The following CRYBG2 variants were observed in gnomAD, a reference collection of about 807,000 sequenced individuals.
CRYBG2 encodes the protein crystallin beta-gamma domain containing 2.
A neutral mutation model predicts 153.4 loss-of-function variants in CRYBG2; 106 were observed. The observed-to-expected ratio is 0.69, with a 90% CI of 0.59 to 0.81. The LOEUF is 0.81. Among genes scored for constraint, CRYBG2 ranks in the 30% least tolerant of loss-of-function variants. The pLI is 0.00. For synonymous variants in CRYBG2, 851 were observed against 877.8 expected (o/e 0.97, Z 0.54); for missense variants, 1,996 against 2,112.0 (o/e 0.95, Z 1.08).
At chr1:26,331,421 G>T in intron 15 of CRYBG2, 68 bp downstream of exon 15, 1 of 1,578,516 alleles carries the variant, frequency 6.3e-7, no homozygotes, top group Non-Finnish European at 8.6e-7. Context: ...CACAGGTTCT[G>T]TGTCCAGAAG....
chr1:26,336,167 A>C lies in CRYBG2; in HGVS notation c.4112T>G (p.Phe1371Cys). Reference sequence around the variant, plus strand: ...AGCGGCCTGGTCATCTTCGAAAGAGAAGTGGTCGCCCAGAAAGTCGGGGCG... The same window carrying C: ...AGCGGCCTGGTCATCTTCGAAAGAGCAGTGGTCGCCCAGAAAGTCGGGGCG... ...FSRPDFLGDH[F>C]SFEDDQAALP... The change falls in exon 14 of 20, where the codon TTC (phenylalanine) becomes TGC (cysteine). Residue 1371 changes from phenylalanine (F) to cysteine (C), a missense_variant. By Grantham distance (205) the Phe-to-Cys change is radical. Coordinates refer to ENST00000308182, the MANE Select transcript of CRYBG2 (RefSeq NM_001039775.4). This position sits in a 1 kb window ranked among gnomAD's most constrained non-coding sequence, Gnocchi z 4.9. 6.5e-7 allele frequency: 1 copy of C among 1,548,446 alleles called. No homozygotes were observed. The highest frequency in any genetic ancestry group is 8.7e-7 in the Non-Finnish European group (1 of 1,143,688).
rs1171632154 is a variant in CRYBG2, at chr1:26,344,915, C to A, written c.1743G>T (p.Glu581Asp). 6.5e-7 allele frequency: 1 copy of A among 1,537,488 alleles called. No homozygotes were observed. The highest frequency in any genetic ancestry group is 1.4e-5 in the African/African-American group (1 of 72,566). ...APAALSTTPKEVVKGPGAPAA... is the reference protein window; with the variant it reads ...APAALSTTPKDVVKGPGAPAA... ...CAGGAGCACCAGGGCCCTTCACAACCTCTTTTGGGGTGGTGGACAAGGCAG... is the reference window on the plus strand; with the variant it reads ...CAGGAGCACCAGGGCCCTTCACAACATCTTTTGGGGTGGTGGACAAGGCAG... Residue 581 changes from glutamate (E) to aspartate (D), a missense_variant, in exon 2 of 20, where the codon GAG becomes GAT. Coordinates refer to ENST00000308182, the MANE Select transcript of CRYBG2 (RefSeq NM_001039775.4).
In CRYBG2 at chr1:26,346,005, G is replaced by A. The variant is rs573042812; in HGVS notation, c.653C>T (p.Pro218Leu). 1.9e-5 allele frequency: 30 copies of A among 1,593,850 alleles called. No homozygotes were observed. Among genetic ancestry groups the A allele is most frequent in the East Asian group, 4.5e-5 (2 of 44,746 alleles). ...PRGRQVSRMV[P>L]PVVVGSPPGS... ...TGGTGGGGAGCCCACCACCACTGGC[G>A]GCACCATGCGGGAGACCTGACGGCC... The change falls in exon 2 of 20, where the codon CCG becomes CTG. Residue 218 changes from proline to leucine, a missense_variant. Pro to Leu is a moderately conservative substitution (Grantham distance 98). Transcript: ENST00000308182. This position sits in a 1 kb window ranked among gnomAD's most constrained non-coding sequence, Gnocchi z 4.9.
At chr1:26,328,968 T>C (rs1409089311) in intron 15 of CRYBG2, 95 bp from the exon 16 acceptor site, 9 of 1,485,970 alleles carry the variant, frequency 6.1e-6, no homozygotes, top group Non-Finnish European at 5.5e-6. Flanking sequence ...CAGATCTGTA[T>C]GTCAGGCCTT....
Position 26,345,296 on chromosome 1 carries a change from A to G in CRYBG2, c.1362T>C (p.Pro454=), listed in dbSNP as rs1270217838. The G allele has an allele frequency of 6.2e-7, 1 of 1,613,646 alleles. No homozygotes were observed. ...CCTCCCTCTGGGTAAAGGGGAGGAC[A>G]GGGACATTTTCAGAGTTCTGAACAA... The part of the protein sequence containing the change: ...NKFVQNSENV[P]VLPFTQREVV... Residue 454 remains proline, a synonymous_variant, in exon 2 of 20, where the codon CCT becomes CCC. Transcript: ENST00000308182.
Position 26,324,133 on chromosome 1 carries a change from C to T in CRYBG2, c.4737+19G>A. On this transcript the variant is annotated intron_variant, in intron 18 of 19. Coordinates refer to ENST00000308182, the MANE Select transcript of CRYBG2 (RefSeq NM_001039775.4). ...TGCCTAGGGCCAGGGTGTCCCTGTG[C>T]CAGCCCCTGTATCAGTACCTGGTTC... The T allele has an allele frequency of 6.2e-7, 1 of 1,608,106 alleles. No homozygotes were observed. The highest frequency in any genetic ancestry group is 8.5e-7 in the Non-Finnish European group (1 of 1,176,358).
Position 26,343,358 on chromosome 1 carries a change from C to T in CRYBG2, c.2914-65G>A, listed in dbSNP as rs2074157456. 6.6e-6 allele frequency: 10 copies of T among 1,520,232 alleles called. No individual in the cohort carries two copies. The highest frequency in any genetic ancestry group is 1.2e-5 in the South Asian group (1 of 83,358). 94.2% of individuals were successfully genotyped at this position (1,520,232 alleles called of 1,614,324 possible). A position where few individuals can be genotyped will look rare whatever the true frequency, so the allele number is the denominator to read the frequency against. The stretch of plus-strand genomic sequence containing the variant: ...ACCTCTTTTCTGCCTCCCCACAACC[C>T]GCCATTCCAAGGATCCCACATCCTC... On this transcript the variant is annotated intron_variant, in intron 2 of 19. Coordinates refer to ENST00000308182, the MANE Select transcript of CRYBG2 (RefSeq NM_001039775.4). This position sits in a 1 kb window ranked among gnomAD's most constrained non-coding sequence, Gnocchi z 4.1.
chr1:26,327,393 A>G (rs546746926), intron 17 of CRYBG2, among the ~76,000 whole-genome samples: 13 of 152,022 alleles, frequency 8.6e-5, no homozygotes, highest in South Asian at 8.3e-4. Context: ...GCTTGAACCC[A>G]GGGGGCAGAG....
In CRYBG2 at chr1:26,344,614, C is replaced by G; in HGVS notation, c.2044G>C (p.Val682Leu). Residue 682 changes from valine (V) to leucine (L), a missense_variant, in exon 2 of 20, where the codon GTC (valine) becomes CTC (leucine). By Grantham distance (32) the Val-to-Leu change is conservative. Coordinates refer to ENST00000308182, the MANE Select transcript of CRYBG2 (RefSeq NM_001039775.4). ...ATSLPKQDKG[V>L]QDSEGSPISS... ...ATGGGGCTCCCTTCAGAGTCCTGGACCCCCTTATCCTGTTTGGGGAGTGAG... is the reference window on the plus strand; with the variant it reads ...ATGGGGCTCCCTTCAGAGTCCTGGAGCCCCTTATCCTGTTTGGGGAGTGAG... 1 of 1,536,264 alleles carries G rather than the reference C, an allele frequency of 6.5e-7. No individual in the cohort carries two copies. Among genetic ancestry groups the G allele is most frequent in the Non-Finnish European group, 8.7e-7 (1 of 1,146,870 alleles).
At chr1:26,330,523 G>A (rs1220210092) in intron 15 of CRYBG2, among the ~76,000 whole-genome samples, 1 of 144,976 alleles carries the variant, frequency 6.9e-6, no homozygotes, top group Non-Finnish European at 1.5e-5. Context: ...AAAGGCTTTA[G>A]TATATGTGGC....
At position 26,322,162 on chromosome 1, in the gene CRYBG2, AC is replaced by A. The variant is rs1245713404; in HGVS notation, c.4897+1del. ...CCCTCTTCCCCATACATCCCACCTTACCCTTCACGTCCAGGATCTGGCCTTC... is the reference window on the plus strand; with the variant it reads ...CCCTCTTCCCCATACATCCCACCTTACCTTCACGTCCAGGATCTGGCCTTC... On this transcript the variant is annotated splice_donor_variant, in intron 19 of 19. Transcript: ENST00000308182. LOFTEE classifies it high-confidence loss of function. The A allele has an allele frequency of 6.2e-7, 1 of 1,612,998 alleles. No individual in the cohort carries two copies. The highest frequency in any genetic ancestry group is 8.5e-7 in the Non-Finnish European group (1 of 1,179,160).
chr1:26,353,027 C>T (rs959751089), intron 1 of CRYBG2, among the ~76,000 whole-genome samples: 2 of 152,130 alleles, frequency 1.3e-5, no homozygotes, highest in African/African-American at 4.8e-5. Flanking sequence ...CAACCTCACT[C>T]AACCCTCCAC....
Position 26,342,824 on chromosome 1 carries a change from T to C in CRYBG2, c.3134A>G (p.Asp1045Gly), listed in dbSNP as rs1395580994. Residue 1045 changes from aspartate to glycine, a missense_variant, in exon 5 of 20, where the codon GAC becomes GGC. Coordinates refer to ENST00000308182, the MANE Select transcript of CRYBG2 (RefSeq NM_001039775.4). ...RGQKLVLPEG[D>G]MELRTPGTKW... ...TGTCCCTGGGGTTCTGAGTTCCATG[T>C]CTCCTTCAGGCAGGACCAGCTTCTG... The C allele has an allele frequency of 6.2e-7, 1 of 1,614,008 alleles. No homozygotes were observed. The highest frequency in any genetic ancestry group is 8.5e-7 in the Non-Finnish European group (1 of 1,180,024).
At chr1:26,347,050 C>T (rs538936146) in intron 1 of CRYBG2, among the ~76,000 whole-genome samples, 2 of 152,254 alleles carry the variant, frequency 1.3e-5, no homozygotes, top group South Asian at 2.1e-4. Flanking sequence ...GGCTGGGACT[C>T]TGCCCACAGA....
chr1:26,344,287 A>T lies in CRYBG2; in HGVS notation c.2371T>A (p.Ser791Thr), dbSNP rs1451815224. 10 of 1,517,586 alleles carry T rather than the reference A, an allele frequency of 6.6e-6. No individual in the cohort carries two copies. The highest frequency in any genetic ancestry group is 8.8e-6 in the Non-Finnish European group (10 of 1,135,172). 94.0% of individuals were successfully genotyped at this position (1,517,586 alleles called of 1,614,324 possible). Reference sequence around the variant, plus strand: ...GTGGCGTACATGGACAGGTAGGAGGAGCGAGGGGCTCGTGGCAGCCGGTGA... The same window carrying T: ...GTGGCGTACATGGACAGGTAGGAGGTGCGAGGGGCTCGTGGCAGCCGGTGA... ...RTHRLPRAPRSSYLSMYATLP... is the reference protein window; with the variant it reads ...RTHRLPRAPRTSYLSMYATLP... The change falls in exon 2 of 20, where the codon TCC becomes ACC. Residue 791 changes from serine to threonine, a missense_variant. By Grantham distance (58) the Ser-to-Thr change is moderately conservative. Coordinates refer to ENST00000308182, the MANE Select transcript of CRYBG2 (RefSeq NM_001039775.4).
intron 17 of CRYBG2, chr1:26,326,977 C>A: frequency 2.0e-6 from 1 of 503,258 alleles, no homozygotes; most frequent in Non-Finnish European, 3.9e-6. Flanking sequence ...TTTCCTTATG[C>A]AGCAGCTAAA....
Position 26,336,103 on chromosome 1 carries a change from G to T in CRYBG2, c.4176C>A (p.His1392Gln). The change falls in exon 14 of 20, where the codon CAC (histidine) becomes CAA (glutamine). Residue 1392 changes from histidine (H) to glutamine (Q), a missense_variant. Physicochemically the swap from His to Gln is conservative, Grantham distance 24. Coordinates refer to ENST00000308182, the MANE Select transcript of CRYBG2 (RefSeq NM_001039775.4). The surrounding 1 kb of genome is among the most constrained non-coding windows in gnomAD (Gnocchi z 4.9). ...ASFRPQSCRV[H>Q]GGSWILFDET... Reference sequence around the variant, plus strand: ...CCCCTCCACGTTCTCACCTGCCGCCGTGGACCCGGCAGGACTGAGGTCGGA... The same window carrying T: ...CCCCTCCACGTTCTCACCTGCCGCCTTGGACCCGGCAGGACTGAGGTCGGA... 6.8e-7 allele frequency: 1 copy of T among 1,471,060 alleles called. No homozygotes were observed. Among genetic ancestry groups the T allele is most frequent in the African/African-American group, 1.4e-5 (1 of 70,748 alleles). The allele number at this position is 1,471,060 out of a possible 1,614,324, so 91.1% of individuals were successfully genotyped here.
intron 14 of CRYBG2, among the ~76,000 whole-genome samples, chr1:26,334,652 C>T (rs544118042): frequency 1.3e-5 from 2 of 152,234 alleles, no homozygotes; most frequent in East Asian, 1.9e-4. Flanking sequence ...AAGCCAGGCA[C>T]GGTGGCTCAT....
Position 26,343,906 on chromosome 1 carries a change from T to A in CRYBG2, c.2752A>T (p.Lys918Ter). The A allele has an allele frequency of 6.5e-7, 1 of 1,533,332 alleles. No homozygotes were observed. The highest frequency in any genetic ancestry group is 8.8e-7 in the Non-Finnish European group (1 of 1,138,956). The allele number at this position is 1,533,332 out of a possible 1,614,324, so 95.0% of individuals were successfully genotyped here. A position where few individuals can be genotyped will look rare whatever the true frequency, so the allele number is the denominator to read the frequency against. Residue 918 changes from lysine to a stop codon, truncating the protein, a stop_gained, in exon 2 of 20, where the codon AAG becomes TAG. Transcript: ENST00000308182. LOFTEE classifies it high-confidence loss of function. The surrounding 1 kb of genome is among the most constrained non-coding windows in gnomAD (Gnocchi z 4.1). ...AGCGGTTCCGGGGTGGAGGCCTCCT[T>A]GGCGGTAGGCACCAGACTGCCGAAC... ...LLFGSLVPTA[K>*]EASTPEPLGT...
Sources: allele counts gnomAD v4.1 joint callset (sites outside exome capture counted in the v4.1 genomes callset), GRCh38; gene constraint gnomAD v4.1.1; non-coding constraint Gnocchi (gnomAD v3.1); transcripts MANE v1.5; gene names NCBI Gene and HGNC (gene_info 2026-07-23, HGNC 2026-07-21).